The following CGNL1 variants were observed in gnomAD, a reference collection of about 807,000 sequenced individuals.
CGNL1 encodes the protein cingulin-like protein 1.
A neutral mutation model predicts 141.2 loss-of-function variants in CGNL1; 132 were observed. The ratio of observed to expected loss-of-function variants is 0.93; its 90% CI spans 0.81 to 1.08. The LOEUF is 1.08. CGNL1 is among the 50% of genes least tolerant of loss of function. The pLI is 0.00. For missense variants in CGNL1, 1,870 were observed against 1,588.6 expected, an observed-to-expected ratio of 1.18 and a Z score of -3.01; for synonymous variants, 690 against 622.1, an observed-to-expected ratio of 1.11 and a Z score of -1.63.
At position 57,531,776 on chromosome 15, in the gene CGNL1, A is replaced by G; in HGVS notation, c.3288A>G (p.Glu1096=). 1 of 1,590,076 alleles carries G rather than the reference A, an allele frequency of 6.3e-7. No individual in the cohort carries two copies. Among genetic ancestry groups the G allele is most frequent in the Non-Finnish European group, 8.6e-7 (1 of 1,158,198 alleles). Residue 1096 remains glutamate, a synonymous_variant, in exon 14 of 19, where the codon GAA becomes GAG. Coordinates refer to ENST00000281282, the MANE Select transcript of CGNL1 (RefSeq NM_032866.5). ...CTGAGAGGATCAGTAGGAGCAGGGA[A>G]CAGGTACTATTCTATAGGTGAATGA... ...LLSERISRSR[E]QMEQLRNELL...
At chr15:57,413,628 T>G (rs144887744) in intron 1 of CGNL1, among the ~76,000 whole-genome samples, 76 of 152,354 alleles carry the variant, frequency 5.0e-4, no homozygotes, top group African/African-American at 1.8e-3. Context: ...CCGCTCTTTT[T>G]TCTCTTTTCT....
At chr15:57,421,510 T>C (rs1490005898) in intron 1 of CGNL1, among the ~76,000 whole-genome samples, 1 of 151,966 alleles carries the variant, frequency 6.6e-6, no homozygotes, top group African/African-American at 2.4e-5. Context: ...ATGTAAGAGC[T>C]CCAGGTTAAG....
Position 57,460,679 on chromosome 15 carries a change from A to G in CGNL1, c.2191-1001A>G, listed in dbSNP as rs184102847. Among the ~76,000 whole-genome samples, 88 of 152,316 alleles carry G rather than the reference A, an allele frequency of 5.8e-4. 1 individual carries two copies. The East Asian group carries it at 0.015, about 26-fold the overall frequency. On this transcript the variant is annotated intron_variant, in intron 7 of 18. Coordinates refer to ENST00000281282, the MANE Select transcript of CGNL1 (RefSeq NM_032866.5). The stretch of plus-strand genomic sequence containing the variant: ...CCTTATAAAACCATCATATCTCATG[A>G]GAACTCACTATCACAAGAGCAACAT...
chr15:57,529,212 T>C (rs4774956), intron 13 of CGNL1, among the ~76,000 whole-genome samples: 70,321 of 151,990 alleles, frequency 0.46, 16,891 homozygotes, highest in African/African-American at 0.55. Flanking sequence ...GAATCATCAT[T>C]CTTCATTTGC....
At chr15:57,459,018 G>A (rs924312519) in intron 7 of CGNL1, among the ~76,000 whole-genome samples, 6 of 152,288 alleles carry the variant, frequency 3.9e-5, no homozygotes, top group East Asian at 1.9e-4. Context: ...AAGAGATCTC[G>A]TTGTCGGTTA....
chr15:57,382,392 G>T (rs1380428619), intron 1 of CGNL1, among the ~76,000 whole-genome samples: 1 of 152,168 alleles, frequency 6.6e-6, no homozygotes, highest in African/African-American at 2.4e-5. Flanking sequence ...CATTTGTTAT[G>T]AACGTGCAAT....
At chr15:57,484,026 T>A (rs1210314101) in intron 8 of CGNL1, among the ~76,000 whole-genome samples, 1 of 152,218 alleles carries the variant, frequency 6.6e-6, no homozygotes, top group Non-Finnish European at 1.5e-5. Flanking sequence ...GTGTCTATAT[T>A]AATGAAATAT....
chr15:57,531,445 TTTC>T (rs1388137899), intron 13 of CGNL1, among the ~76,000 whole-genome samples: 2 of 152,248 alleles, frequency 1.3e-5, no homozygotes, highest in Admixed American at 6.5e-5. Context: ...GATAATGTTT[TTTC>T]TTCTTTTATG....
At chr15:57,389,298 AC>A (rs1161871635) in intron 1 of CGNL1, among the ~76,000 whole-genome samples, 2 of 152,244 alleles carry the variant, frequency 1.3e-5, no homozygotes, top group African/African-American at 2.4e-5. Flanking sequence ...ATCTCAAAAA[AC>A]AAAAAACAAA....
chr15:57,426,193 G>A (rs895358395), intron 1 of CGNL1, among the ~76,000 whole-genome samples: 44 of 151,998 alleles, frequency 2.9e-4, no homozygotes, highest in African/African-American at 9.4e-4. Context: ...CACCCAGACT[G>A]GAGTACAGGG....
intron 8 of CGNL1, among the ~76,000 whole-genome samples, chr15:57,500,671 A>C (rs1238859784): frequency 1.4e-5 from 2 of 144,990 alleles, no homozygotes; most frequent in African/African-American, 5.0e-5. Context: ...AAAAGCGTGG[A>C]GCGTTCAGTT....
In CGNL1 at chr15:57,453,735, C is replaced by T; in HGVS notation, c.2107C>T (p.Leu703Phe). 1 of 1,613,950 alleles carries T rather than the reference C, an allele frequency of 6.2e-7. No individual in the cohort carries two copies. Among genetic ancestry groups the T allele is most frequent in the South Asian group, 1.1e-5 (1 of 91,072 alleles). ...REQHQTEIRD[L>F]QDQLSEMHDE... ...GCAGCATCAGACTGAGATCAGGGATCTCCAGGACCAGCTCTCAGAAATGCA... is the reference window on the plus strand; with the variant it reads ...GCAGCATCAGACTGAGATCAGGGATTTCCAGGACCAGCTCTCAGAAATGCA... Residue 703 changes from leucine to phenylalanine, a missense_variant, in exon 7 of 19, where the codon CTC becomes TTC. Leu to Phe is a conservative substitution (Grantham distance 22). Coordinates refer to ENST00000281282, the MANE Select transcript of CGNL1 (RefSeq NM_032866.5).
chr15:57,455,766 G>GTT (rs1595722650), intron 7 of CGNL1, among the ~76,000 whole-genome samples: 2 of 152,160 alleles, frequency 1.3e-5, no homozygotes, highest in East Asian at 3.9e-4. Flanking sequence ...TCTATTAACT[G>GTT]AACATCATTA....
At chr15:57,508,177 G>C (rs1261997079) in intron 8 of CGNL1, among the ~76,000 whole-genome samples, 1 of 149,634 alleles carries the variant, frequency 6.7e-6, no homozygotes, top group African/African-American at 2.5e-5. Flanking sequence ...ATTTATTTGT[G>C]CCCCTCCACC....
intron 1 of CGNL1, chr15:57,402,742 A>G (rs1019615194): frequency 3.9e-5 from 6 of 152,218 alleles, no homozygotes; most frequent in African/African-American, 1.4e-4. Flanking sequence ...TAAGTACCCA[A>G]TGGCATTGAG....
chr15:57,446,621 T>C (rs2063255298), intron 4 of CGNL1, among the ~76,000 whole-genome samples: 1 of 152,030 alleles, frequency 6.6e-6, no homozygotes, highest in Non-Finnish European at 1.5e-5. Flanking sequence ...TTAGTGGTCA[T>C]TTCTGGTATT....
At chr15:57,462,395 C>T (rs778711567) in intron 8 of CGNL1, among the ~76,000 whole-genome samples, 1 of 152,076 alleles carries the variant, frequency 6.6e-6, no homozygotes, top group Non-Finnish European at 1.5e-5. Flanking sequence ...GCTGAATTGC[C>T]GAAACCCTTC....
chr15:57,470,241 T>C (rs1175501594), intron 8 of CGNL1, among the ~76,000 whole-genome samples: 1 of 54,494 alleles, frequency 1.8e-5, no homozygotes, highest in African/African-American at 5.5e-5. Context: ...AAAAGATCTC[T>C]TTTTTTTTGT....
At chr15:57,422,640 A>G (rs2062928833) in intron 1 of CGNL1, among the ~76,000 whole-genome samples, 1 of 152,220 alleles carries the variant, frequency 6.6e-6, no homozygotes, top group African/African-American at 2.4e-5. Context: ...TACTTGGTAC[A>G]TAGTAAGAGT....
Sources: gnomAD v4.1 joint callset for allele counts (sites outside exome capture counted in the v4.1 genomes callset) on GRCh38, gnomAD v4.1.1 for gene constraint, MANE v1.5 for transcripts, NCBI Gene and HGNC (gene_info 2026-07-23, HGNC 2026-07-21) for gene names.